Variants in MYO18B observed in about 807,000 individuals in gnomAD.
The protein encoded by MYO18B is unconventional myosin-XVIIIb.
MYO18B carries 204 observed loss-of-function variants against 273.0 expected under a neutral mutation model. The ratio of observed to expected loss-of-function variants is 0.75; its 90% CI spans 0.67 to 0.84. The LOEUF (loss-of-function observed/expected upper bound fraction) is 0.84, where lower values mean the gene tolerates loss of function less well. Among genes scored for constraint, MYO18B ranks in the 40% least tolerant of loss-of-function variants. The pLI is 0.00. For missense variants in MYO18B, 3,212 were observed against 3,287.6 expected (o/e 0.98, Z 0.56); for synonymous variants, 1,330 against 1,305.7 (o/e 1.02, Z -0.40).
Position 25,984,800 on chromosome 22 carries a change from T to G in MYO18B, c.6157-7563T>G, listed in dbSNP as rs576325514. ...GGCAAGAGAGTGAGACCCCCATCTC[T>G]AAGAAAAAAAAAAAAGTGTAGCAGA... On this transcript the variant is annotated intron_variant, in intron 39 of 43. Transcript: ENST00000335473. Among the ~76,000 whole-genome samples, 4 of 136,514 alleles carry G rather than the reference T, an allele frequency of 2.9e-5. No homozygotes were observed. In the East Asian group the frequency reaches 7.9e-4, roughly 27 times the overall value. The allele number at this position is 136,514 out of a possible 152,430, so 89.6% of individuals were successfully genotyped here.
chr22:25,835,522 GC>G, intron 17 of MYO18B, 79 bp downstream of exon 17: 1 of 1,574,300 alleles, frequency 6.4e-7, no homozygotes, highest in Non-Finnish European at 8.6e-7. Flanking sequence ...TGCAGGGAAA[GC>G]CCTGACAAGG....
At chr22:25,922,663 C>T (rs1300615413) in intron 34 of MYO18B, among the ~76,000 whole-genome samples, 1 of 152,130 alleles carries the variant, frequency 6.6e-6, no homozygotes, top group Non-Finnish European at 1.5e-5. Context: ...GCCTGGGACC[C>T]ATGTTTCCTG....
chr22:26,023,971 A>G (rs1342289145), intron 42 of MYO18B, among the ~76,000 whole-genome samples: 2 of 152,216 alleles, frequency 1.3e-5, no homozygotes, highest in Non-Finnish European at 2.9e-5. Flanking sequence ...TATGTTGGGA[A>G]CAGACAAGAA....
chr22:25,975,133 C>A (rs1007368710), intron 39 of MYO18B, among the ~76,000 whole-genome samples: 2 of 152,054 alleles, frequency 1.3e-5, no homozygotes. Flanking sequence ...GCCCCAGCTG[C>A]GAAGTGAATT....
chr22:25,779,490 C>T (rs1403740768), intron 8 of MYO18B, among the ~76,000 whole-genome samples: 3 of 152,200 alleles, frequency 2.0e-5, no homozygotes, highest in Non-Finnish European at 2.9e-5. Context: ...CTACATCTGG[C>T]TCATGCTAAA....
intron 34 of MYO18B, among the ~76,000 whole-genome samples, chr22:25,930,350 A>C (rs1451922380): frequency 6.6e-6 from 1 of 151,924 alleles, no homozygotes; most frequent in Non-Finnish European, 1.5e-5. Context: ...TAAACATAGT[A>C]AAAGACTTAG....
chr22:25,835,739 A>T (rs1212894075), intron 17 of MYO18B, among the ~76,000 whole-genome samples: 1 of 152,246 alleles, frequency 6.6e-6, no homozygotes, highest in Non-Finnish European at 1.5e-5. Flanking sequence ...TGAGCCTGCA[A>T]CTGCACTCTA....
At chr22:25,864,591 G>C (rs1324053724) in intron 21 of MYO18B, among the ~76,000 whole-genome samples, 1 of 152,166 alleles carries the variant, frequency 6.6e-6, no homozygotes, top group Non-Finnish European at 1.5e-5. Context: ...GAAAAGATCA[G>C]GAGCTGATTC....
At chr22:25,890,662 G>A (rs748248314) in intron 25 of MYO18B, 94 bp from the exon 26 acceptor site, 15 of 1,512,396 alleles carry the variant, frequency 9.9e-6, no homozygotes, top group African/African-American at 1.4e-5. Context: ...TCCCATGATA[G>A]TGATTTGTCC....
chr22:25,828,734 C>A, intron 14 of MYO18B, 42 bp from the exon 15 acceptor site: 1 of 1,577,744 alleles, frequency 6.3e-7, no homozygotes, highest in Non-Finnish European at 8.7e-7. Flanking sequence ...CTCCTAGATT[C>A]CATGCCATCT....
chr22:25,845,995 C>A (rs79718096), intron 18 of MYO18B, 105 bp from the exon 19 acceptor site: 2 of 1,037,732 alleles, frequency 1.9e-6, no homozygotes, highest in East Asian at 2.9e-5. Context: ...TTTAGGAAGC[C>A]GAGGAGCAGG....
At chr22:26,030,014 A>C (rs989250788) in intron 43 of MYO18B, among the ~76,000 whole-genome samples, 1 of 152,136 alleles carries the variant, frequency 6.6e-6, no homozygotes, top group Non-Finnish European at 1.5e-5. Flanking sequence ...TTGCTACAGT[A>C]ACGCCACCTG....
rs1301905187 is a variant in MYO18B at position 25,895,236 on chromosome 22, A to G, written c.4624A>G (p.Arg1542Gly). ...LRKRLQQCEE[R>G]LDSELTARKE... is the part of the protein sequence containing the mutation. ...AAAGCGTCTGCAGCAATGCGAGGAG[A>G]GGCTGGACTCGGAGCTGACAGCCAG... The change falls in exon 28 of 44, where the codon AGG becomes GGG. Residue 1542 changes from arginine (R) to glycine (G), a missense_variant. Physicochemically the swap from Arg to Gly is moderately radical, Grantham distance 125 (BLOSUM62 -2). Coordinates refer to ENST00000335473, the MANE Select transcript of MYO18B (RefSeq NM_032608.7). 1 of 1,608,592 alleles carries G rather than the reference A, an allele frequency of 6.2e-7. No homozygotes were observed. The highest frequency in any genetic ancestry group is 1.7e-5 in the Admixed American group (1 of 59,388).
Position 25,847,419 on chromosome 22 carries a change from AT to A in MYO18B, c.3553-8del. 6.4e-7 allele frequency: 1 copy of A among 1,557,138 alleles called. No homozygotes were observed. The highest frequency in any genetic ancestry group is 8.7e-7 in the Non-Finnish European group (1 of 1,149,778). ...AGACAACTGGCCCTGACCTCCCTCT[AT>A]TTGGTCTAGGATGCGCTGACCAGCA... On this transcript the variant is annotated splice_polypyrimidine_tract_variant and intron_variant, in intron 19 of 43. Transcript: ENST00000335473.
Position 25,955,271 on chromosome 22 carries a change from C to T in MYO18B, c.6063C>T (p.Ser2021=), listed in dbSNP as rs2092836403. The T allele has an allele frequency of 1.2e-6, 2 of 1,613,648 alleles. No individual in the cohort carries two copies. Among genetic ancestry groups the T allele is most frequent in the Admixed American group, 1.7e-5 (1 of 59,982 alleles). The change falls in exon 39 of 44, where the codon AGC becomes AGT. Residue 2021 remains serine, a synonymous_variant. Coordinates refer to ENST00000335473, the MANE Select transcript of MYO18B (RefSeq NM_032608.7). ...ATSESQQRES[S]QYYQRRLEEL... ...CCGAGTCCCAGCAGCGGGAGAGCAG[C>T]CAGTACTACCAGCGGCGCCTGGAAG... is the stretch of plus-strand genomic sequence containing the variant.
chr22:25,834,722 A>T (rs969086661), intron 16 of MYO18B, among the ~76,000 whole-genome samples: 2 of 152,168 alleles, frequency 1.3e-5, no homozygotes, highest in African/African-American at 4.8e-5. Flanking sequence ...AGGGTTGAGT[A>T]GATGGTCTCT....
At chr22:25,756,042 G>C (rs566214834) in intron 1 of MYO18B, among the ~76,000 whole-genome samples, 16 of 151,994 alleles carry the variant, frequency 1.1e-4, no homozygotes, top group South Asian at 2.1e-4. Context: ...GGACTACAGG[G>C]GCCTGCCACC....
intron 39 of MYO18B, among the ~76,000 whole-genome samples, chr22:25,959,564 G>A (rs535239728): frequency 1.3e-5 from 2 of 152,132 alleles, no homozygotes; most frequent in Non-Finnish European, 2.9e-5. Context: ...GCATGTCACC[G>A]CTCCTGGCCT....
chr22:25,885,124 A>G (rs912824321), intron 25 of MYO18B, among the ~76,000 whole-genome samples: 1 of 152,212 alleles, frequency 6.6e-6, no homozygotes. Flanking sequence ...ATTACATTTA[A>G]TGAGTGATGT....
Sources: allele counts gnomAD v4.1 joint callset (sites outside exome capture counted in the v4.1 genomes callset), GRCh38; gene constraint gnomAD v4.1.1; transcripts MANE v1.5; gene names NCBI Gene and HGNC (gene_info 2026-07-23, HGNC 2026-07-21).